The following HNRNPUL1 variants were observed in gnomAD, a reference collection of about 807,000 sequenced individuals.
HNRNPUL1 encodes heterogeneous nuclear ribonucleoprotein U like 1.
Under a neutral mutation model 108.5 loss-of-function variants are expected in HNRNPUL1, and 14 were observed. That is an observed-to-expected ratio of 0.13 (90% CI 0.09 to 0.20). HNRNPUL1 has a LOEUF of 0.20. HNRNPUL1 is among the 10% of genes least tolerant of loss of function. The pLI is 1.00. For missense variants in HNRNPUL1, 804 were observed against 1,168.3 expected (o/e 0.69, Z 4.55); for synonymous variants, 422 against 445.2 (o/e 0.95, Z 0.66).
intron 7 of HNRNPUL1, among the ~76,000 whole-genome samples, chr19:41,289,155 C>T (rs1419714047): frequency 1.3e-5 from 2 of 152,218 alleles, no homozygotes; most frequent in East Asian, 3.9e-4. Context: ...AACTCTAGGC[C>T]TTGACTCTTG....
At chr19:41,287,433 A>T (rs1432182622) in intron 7 of HNRNPUL1, among the ~76,000 whole-genome samples, 1 of 152,180 alleles carries the variant, frequency 6.6e-6, no homozygotes, top group Non-Finnish European at 1.5e-5. Flanking sequence ...TCTTTCGTCC[A>T]GTTGAGTTTC....
chr19:41,277,556 G>C (rs2035643241), intron 5 of HNRNPUL1, among the ~76,000 whole-genome samples: 3 of 152,142 alleles, frequency 2.0e-5, no homozygotes, highest in Admixed American at 6.5e-5. Flanking sequence ...GTCCAGGCTG[G>C]AGTGCAGTGG....
chr19:41,290,336 A>G (rs1468553895), intron 7 of HNRNPUL1, among the ~76,000 whole-genome samples: 1 of 152,202 alleles, frequency 6.6e-6, no homozygotes, highest in Non-Finnish European at 1.5e-5. Context: ...AAGGCAAAAA[A>G]ACACTAAGAA....
rs762971005 is a variant in HNRNPUL1 at position 41,272,223 on chromosome 19, G to A, written c.560G>A (p.Arg187Gln). ...ENRGRGYFEH[R>Q]EDRRGRSPQP... is the part of the protein sequence containing the mutation. Reference sequence around the variant, plus strand: ...CGGGGACGGGGGTACTTTGAGCACCGAGAGGATAGGAGGTGGGTGTATGAG... The same window carrying A: ...CGGGGACGGGGGTACTTTGAGCACCAAGAGGATAGGAGGTGGGTGTATGAG... The change falls in exon 3 of 15, where the codon CGA becomes CAA. Residue 187 changes from arginine (R) to glutamine (Q), a missense_variant. Arg to Gln is a conservative substitution (Grantham distance 43, BLOSUM62 1). Coordinates refer to ENST00000392006, the MANE Select transcript of HNRNPUL1 (RefSeq NM_007040.6). 13 of 1,613,440 alleles carry A rather than the reference G, an allele frequency of 8.1e-6. No homozygotes were observed. Among genetic ancestry groups the A allele is most frequent in the Admixed American group, 5.0e-5 (3 of 59,976 alleles).
intron 11 of HNRNPUL1, among the ~76,000 whole-genome samples, chr19:41,302,212 C>CTT (rs1568459025): frequency 3.8e-5 from 4 of 104,518 alleles, no homozygotes; most frequent in Non-Finnish European, 4.0e-5. Flanking sequence ...CTCTCTCTCT[C>CTT]TGTTTTTTTT....
Position 41,292,240 on chromosome 19 carries a change from C to T in HNRNPUL1, c.1000-5C>T, listed in dbSNP as rs983613670. On this transcript the variant is annotated splice_region_variant and splice_polypyrimidine_tract_variant and intron_variant, in intron 7 of 14. Coordinates refer to ENST00000392006, the MANE Select transcript of HNRNPUL1 (RefSeq NM_007040.6). The surrounding 1 kb of genome is among the most constrained non-coding windows in gnomAD (Gnocchi z 4.1). Reference sequence around the variant, plus strand: ...CAATCATATTCCTTTGGCTTTTTCTCCTAGGATTTTGAATGTGGAAATGAC... The same window carrying T: ...CAATCATATTCCTTTGGCTTTTTCTTCTAGGATTTTGAATGTGGAAATGAC... 4.3e-6 allele frequency: 7 copies of T among 1,613,158 alleles called. No homozygotes were observed. In the African/African-American group the frequency reaches 6.7e-5, roughly 15 times the overall value.
intron 8 of HNRNPUL1, among the ~76,000 whole-genome samples, chr19:41,293,916 A>G (rs2036735152): frequency 6.6e-6 from 1 of 151,930 alleles, no homozygotes; most frequent in African/African-American, 2.4e-5. Context: ...CTGATGTAGA[A>G]GGATTGCTTG....
chr19:41,263,846 G>A (rs909885981), upstream of HNRNPUL1, among the ~76,000 whole-genome samples: 2 of 152,176 alleles, frequency 1.3e-5, no homozygotes, highest in Admixed American at 6.6e-5. Context: ...GCAAGGGGCG[G>A]GCTCCTGGTG....
chr19:41,278,522 C>T (rs2035711073), intron 5 of HNRNPUL1: 1 of 152,246 alleles, frequency 6.6e-6, no homozygotes, highest in African/African-American at 2.4e-5. Flanking sequence ...CAAATACAGT[C>T]ACACATACGT....
intron 14 of HNRNPUL1, among the ~76,000 whole-genome samples, 198 bp from the exon 15 acceptor site, chr19:41,306,249 TGA>T (rs2037539675): frequency 6.6e-6 from 1 of 152,236 alleles, no homozygotes; most frequent in Admixed American, 6.5e-5. Context: ...GTTGACAAGC[TGA>T]GACCTGGGCT....
At chr19:41,276,025 C>G in intron 4 of HNRNPUL1, 134 bp from the exon 5 acceptor site, 2 of 1,062,724 alleles carry the variant, frequency 1.9e-6, no homozygotes, top group South Asian at 2.6e-5. Flanking sequence ...ATCACTTGAA[C>G]CCGGGAGGCG....
At chr19:41,273,062 C>G (rs1178002095) in intron 3 of HNRNPUL1, among the ~76,000 whole-genome samples, 1 of 152,244 alleles carries the variant, frequency 6.6e-6, no homozygotes, top group Non-Finnish European at 1.5e-5. Context: ...TAAGTTAGGA[C>G]ATGGATCCCA....
intron 5 of HNRNPUL1, 115 bp downstream of exon 5, chr19:41,276,413 C>A: frequency 1.8e-6 from 2 of 1,125,654 alleles, no homozygotes; most frequent in South Asian, 1.7e-5. Context: ...TGTGCAATAC[C>A]ATGTCCAAGC....
rs1456474598 is a variant in HNRNPUL1 at position 41,268,335 on chromosome 19, C to T, written c.408C>T (p.Ala136=). ...CACTGGAAATGGAGCAGCAGCAGGCCTATCGTCCAGGTAGGAAAATACACA... is the reference window on the plus strand; with the variant it reads ...CACTGGAAATGGAGCAGCAGCAGGCTTATCGTCCAGGTAGGAAAATACACA... The part of the protein sequence containing the change: ...RRPLEMEQQQ[A]YRPEMKTEMK... The change falls in exon 2 of 15, where the codon GCC becomes GCT. Residue 136 remains alanine (A), a synonymous_variant. Transcript: ENST00000392006. 1.2e-6 allele frequency: 2 copies of T among 1,613,390 alleles called. No individual in the cohort carries two copies. The highest frequency in any genetic ancestry group is 1.7e-6 in the Non-Finnish European group (2 of 1,179,812).
At chr19:41,288,244 T>C (rs2036367744) in intron 7 of HNRNPUL1, among the ~76,000 whole-genome samples, 1 of 151,264 alleles carries the variant, frequency 6.6e-6, no homozygotes, top group Non-Finnish European at 1.5e-5. Flanking sequence ...GGGGGTCTTT[T>C]TATTTATTTA....
intron 10 of HNRNPUL1, among the ~76,000 whole-genome samples, chr19:41,300,171 TACTC>T (rs1190150967): frequency 1.1e-4 from 16 of 152,138 alleles, no homozygotes; most frequent in African/African-American, 3.9e-4. Context: ...GACATTCTCT[TACTC>T]AGTCCTTGCC....
At chr19:41,263,240 GTT>G (rs2034608595), upstream of HNRNPUL1, among the ~76,000 whole-genome samples, 1 of 152,072 alleles carries the variant, frequency 6.6e-6, no homozygotes, top group African/African-American at 2.4e-5. Context: ...CTCGAGTTTT[GTT>G]TTGAGTTAGA....
At chr19:41,280,575 C>A (rs534826434) in intron 6 of HNRNPUL1, among the ~76,000 whole-genome samples, 2 of 152,104 alleles carry the variant, frequency 1.3e-5, no homozygotes, top group Admixed American at 6.6e-5. Context: ...TGTAGCAGAA[C>A]GAGCCCTGGC....
In HNRNPUL1 at chr19:41,292,839, C is replaced by T. The variant is rs1224223273; in HGVS notation, c.1266+328C>T. Among the ~76,000 whole-genome samples the T allele has an allele frequency of 1.3e-5, 2 of 152,080 alleles. No homozygotes were observed. The highest frequency in any genetic ancestry group is 3.9e-4 in the East Asian group (2 of 5,188). On this transcript the variant is annotated intron_variant, in intron 8 of 14. Transcript: ENST00000392006. The surrounding 1 kb of genome is among the most constrained non-coding windows in gnomAD (Gnocchi z 4.1). Reference sequence around the variant, plus strand: ...GCTTCTTGGGGAGTGCACTGTGCCACCAAGTGTTCTTTTTTTTTCTTTAGA... The same window carrying T: ...GCTTCTTGGGGAGTGCACTGTGCCATCAAGTGTTCTTTTTTTTTCTTTAGA...
Sources: allele counts gnomAD v4.1 joint callset (sites outside exome capture counted in the v4.1 genomes callset), GRCh38; gene constraint gnomAD v4.1.1; non-coding constraint Gnocchi (gnomAD v3.1); transcripts MANE v1.5; gene names NCBI Gene and HGNC (gene_info 2026-07-23, HGNC 2026-07-21).